PDE10A: variants seen among roughly 807,000 people sequenced by gnomAD.
PDE10A encodes the protein cAMP and cAMP-inhibited cGMP 3',5'-cyclic phosphodiesterase 10A.
A neutral mutation model predicts 97.7 loss-of-function variants in PDE10A; 39 were observed. The observed-to-expected ratio is 0.40, with a 90% confidence interval of 0.31 to 0.52. The LOEUF (loss-of-function observed/expected upper bound fraction) is 0.52. PDE10A is among the 20% of genes least tolerant of loss of function. The probability of loss-of-function intolerance (pLI) is 0.56; values close to 1 mark genes in which losing one functional copy is unlikely to be tolerated. For missense variants in PDE10A, 731 were observed against 1,047.8 expected, an observed-to-expected ratio of 0.70 and a Z score of 4.17; for synonymous variants, 371 against 376.8, an observed-to-expected ratio of 0.98 and a Z score of 0.18.
chr6:165,889,341 C>T (rs562811342), intron 1 of PDE10A, among the ~76,000 whole-genome samples: 10 of 152,192 alleles, frequency 6.6e-5, no homozygotes, highest in African/African-American at 9.6e-5. Flanking sequence ...CTACAAAATG[C>T]GCTGTTGCTA....
intron 1 of PDE10A, among the ~76,000 whole-genome samples, chr6:165,728,280 A>G (rs1356142171): frequency 6.6e-6 from 1 of 152,190 alleles, no homozygotes; most frequent in Non-Finnish European, 1.5e-5. Context: ...CCTTCAGAGC[A>G]GCTTCTGATG....
At chr6:165,945,584 C>T (rs899519700) in intron 1 of PDE10A, among the ~76,000 whole-genome samples, 1 of 152,110 alleles carries the variant, frequency 6.6e-6, no homozygotes, top group Non-Finnish European at 1.5e-5. Flanking sequence ...TAAAAGAAAC[C>T]CCGTTGAGCT....
intron 1 of PDE10A, among the ~76,000 whole-genome samples, chr6:165,706,906 A>G (rs1307647275): frequency 2.0e-5 from 3 of 152,338 alleles, no homozygotes; most frequent in Admixed American, 6.5e-5. Flanking sequence ...GCATTCCATT[A>G]ACAAAAGCAG....
At chr6:165,846,589 A>G (rs1024230702) in intron 1 of PDE10A, among the ~76,000 whole-genome samples, 9 of 152,258 alleles carry the variant, frequency 5.9e-5, no homozygotes, top group Admixed American at 3.3e-4. Flanking sequence ...TCAGTCCACA[A>G]GCCTTTGCTG....
chr6:165,700,812 TG>T (rs1791552493), intron 1 of PDE10A, among the ~76,000 whole-genome samples: 1 of 152,244 alleles, frequency 6.6e-6, no homozygotes, highest in Non-Finnish European at 1.5e-5. Context: ...AACATTTATG[TG>T]ACTTTTTGTC....
intron 1 of PDE10A, among the ~76,000 whole-genome samples, chr6:165,648,724 C>T (rs1246571224): frequency 2.0e-5 from 3 of 152,144 alleles, no homozygotes; most frequent in Non-Finnish European, 4.4e-5. Context: ...CTAACGATGG[C>T]CCTCACAAAA....
intron 2 of PDE10A, among the ~76,000 whole-genome samples, chr6:165,521,344 C>T (rs761455332): frequency 2.6e-5 from 4 of 152,090 alleles, no homozygotes; most frequent in Non-Finnish European, 5.9e-5. Flanking sequence ...AATGGCCTTC[C>T]TTTTGTTCAA....
intron 1 of PDE10A, among the ~76,000 whole-genome samples, chr6:165,644,786 C>G (rs1316509542): frequency 6.6e-6 from 1 of 152,220 alleles, no homozygotes; most frequent in African/African-American, 2.4e-5. Flanking sequence ...CAGACTTTGT[C>G]AGCCCTGCTG....
At chr6:165,495,035 G>A (rs1444829064) in intron 2 of PDE10A, among the ~76,000 whole-genome samples, 1 of 152,154 alleles carries the variant, frequency 6.6e-6, no homozygotes, top group African/African-American at 2.4e-5. Flanking sequence ...AGGAGTTGAA[G>A]CAGCACATTC....
chr6:165,699,100 C>T (rs551206445), intron 1 of PDE10A, among the ~76,000 whole-genome samples: 2 of 152,152 alleles, frequency 1.3e-5, no homozygotes, highest in African/African-American at 2.4e-5. Context: ...ACAAGAGATA[C>T]ACTTTAGATT....
intron 1 of PDE10A, among the ~76,000 whole-genome samples, chr6:165,628,212 T>C (rs549198815): frequency 1.3e-5 from 2 of 152,300 alleles, no homozygotes; most frequent in East Asian, 3.9e-4. Context: ...CTGACATGTA[T>C]TTTCTTAAAT....
At chr6:165,601,144 C>T (rs981437358) in intron 1 of PDE10A, among the ~76,000 whole-genome samples, 8 of 152,130 alleles carry the variant, frequency 5.3e-5, no homozygotes, top group East Asian at 1.9e-4. Flanking sequence ...TGATGGGTTA[C>T]CAGGGGTTTC....
At chr6:165,522,672 G>A (rs1387037426) in intron 2 of PDE10A, among the ~76,000 whole-genome samples, 1 of 151,844 alleles carries the variant, frequency 6.6e-6, no homozygotes, top group Non-Finnish European at 1.5e-5. Context: ...ATACTAGCAG[G>A]CAAAAGCTAG....
chr6:165,664,713 C>A (rs908998421), upstream of PDE10A, among the ~76,000 whole-genome samples: 1 of 152,210 alleles, frequency 6.6e-6, no homozygotes, highest in South Asian at 2.1e-4. Flanking sequence ...GCTGCGAGTC[C>A]GGAGTTTGTG....
At chr6:165,434,588 A>C (rs1349647761) in intron 6 of PDE10A, among the ~76,000 whole-genome samples, 1 of 152,130 alleles carries the variant, frequency 6.6e-6, no homozygotes, top group East Asian at 1.9e-4. Flanking sequence ...TGCTCTGGCT[A>C]ATGGGAGGGT....
At chr6:165,663,415 T>C (rs1790398082), upstream of PDE10A, among the ~76,000 whole-genome samples, 1 of 152,186 alleles carries the variant, frequency 6.6e-6, no homozygotes, top group Non-Finnish European at 1.5e-5. Context: ...GTCTCTGCCC[T>C]GCCTTGTCAC....
In PDE10A at chr6:165,648,961, C is replaced by T. The variant is rs184850058; in HGVS notation, c.865+12986G>A. ...ACCCATCCCCATCCTTGTCCCCATC[C>T]CAGGAGCCACTCCCAGAAAAAGAGA... is the stretch of plus-strand genomic sequence containing the variant. On this transcript the variant is annotated intron_variant, in intron 1 of 21. Transcript: ENST00000539869. Among the ~76,000 whole-genome samples, 687 of 152,286 alleles carry T rather than the reference C, an allele frequency of 4.5e-3. 7 individuals are homozygous for T. Among genetic ancestry groups the T allele is most frequent in the African/African-American group, 0.016 (661 of 41,562 alleles).
chr6:165,635,063 G>A (rs1033229555), intron 1 of PDE10A, among the ~76,000 whole-genome samples: 23 of 152,298 alleles, frequency 1.5e-4, no homozygotes, highest in African/African-American at 5.1e-4. Flanking sequence ...ATAATTAAGA[G>A]GGGAGGTAGA....
chr6:165,543,725 G>T, intron 1 of PDE10A, 157 bp from the exon 2 acceptor site: 1 of 526,252 alleles, frequency 1.9e-6, no homozygotes, highest in Non-Finnish European at 3.2e-6. Context: ...TGCTTAGTGG[G>T]TACAGAGTTT....
Sources: gnomAD v4.1 joint callset for allele counts (sites outside exome capture counted in the v4.1 genomes callset) on GRCh38, gnomAD v4.1.1 for gene constraint, MANE v1.5 for transcripts, NCBI Gene and HGNC (gene_info 2026-07-23, HGNC 2026-07-21) for gene names.